ZNF804B: variants seen among roughly 807,000 people sequenced by gnomAD.
ZNF804B encodes zinc finger 804B.
Under a neutral mutation model 101.4 loss-of-function variants are expected in ZNF804B, and 80 were observed. The ratio of observed to expected loss-of-function variants is 0.79; its 90% CI spans 0.66 to 0.95. The LOEUF (loss-of-function observed/expected upper bound fraction) is 0.95. Among genes scored for constraint, ZNF804B ranks in the 40% least tolerant of loss-of-function variants. The pLI is 0.00. For synonymous variants in ZNF804B, 622 were observed against 558.8 expected (o/e 1.11, Z -1.59); for missense variants, 1,673 against 1,561.9 (o/e 1.07, Z -1.20).
At chr7:89,095,811 T>A (rs948690699) in intron 1 of ZNF804B, among the ~76,000 whole-genome samples, 1 of 152,178 alleles carries the variant, frequency 6.6e-6, no homozygotes, top group Non-Finnish European at 1.5e-5. Flanking sequence ...TAGTTAAACC[T>A]TTGCCACTCC....
intron 1 of ZNF804B, among the ~76,000 whole-genome samples, chr7:88,967,223 T>C (rs2116102805): frequency 9.9e-6 from 1 of 101,054 alleles, no homozygotes; most frequent in Middle Eastern, 4.7e-3. Context: ...CCACAGGCTG[T>C]ACAGCTGTCA....
intron 1 of ZNF804B, among the ~76,000 whole-genome samples, chr7:88,771,279 A>G (rs1790057063): frequency 6.6e-6 from 1 of 152,128 alleles, no homozygotes; most frequent in Non-Finnish European, 1.5e-5. Flanking sequence ...AGTAATAGCT[A>G]TAATTTCATA....
At chr7:89,093,071 TTCCATTGCTAA>T (rs1789920166) in intron 1 of ZNF804B, among the ~76,000 whole-genome samples, 1 of 152,226 alleles carries the variant, frequency 6.6e-6, no homozygotes. Flanking sequence ...ATATTGCTAT[TTCCATTGCTAA>T]TCCATTACTG....
intron 1 of ZNF804B, among the ~76,000 whole-genome samples, chr7:88,837,829 G>A (rs892785496): frequency 3.3e-5 from 5 of 151,624 alleles, no homozygotes; most frequent in African/African-American, 1.2e-4. Context: ...GCTGACTTTC[G>A]ATGGCCATCT....
chr7:88,785,259 A>G (rs1019587346), intron 1 of ZNF804B, among the ~76,000 whole-genome samples: 1 of 152,034 alleles, frequency 6.6e-6, no homozygotes, highest in Non-Finnish European at 1.5e-5. Flanking sequence ...CCTGCCTGGT[A>G]CTTCATCCTA....
intron 2 of ZNF804B, among the ~76,000 whole-genome samples, chr7:89,227,850 T>G (rs943822934): frequency 5.3e-5 from 8 of 152,348 alleles, no homozygotes; most frequent in Middle Eastern, 3.4e-3. Context: ...TGCAGGGCAT[T>G]CCATGAGATC....
intron 2 of ZNF804B, among the ~76,000 whole-genome samples, chr7:89,280,797 T>C (rs1277492056): frequency 1.3e-5 from 2 of 152,202 alleles, no homozygotes; most frequent in African/African-American, 2.4e-5. Context: ...CAGGACCAGA[T>C]GGATTCACAG....
At chr7:88,847,296 A>G (rs947460126) in intron 1 of ZNF804B, among the ~76,000 whole-genome samples, 5 of 152,188 alleles carry the variant, frequency 3.3e-5, no homozygotes, top group African/African-American at 1.2e-4. Context: ...TTAATATTCC[A>G]TCAAAAAAAA....
intron 1 of ZNF804B, among the ~76,000 whole-genome samples, chr7:88,761,783 G>A (rs779790004): frequency 9.2e-5 from 14 of 152,118 alleles, no homozygotes; most frequent in Non-Finnish European, 1.9e-4. Context: ...AATCTTACAC[G>A]GTTTAGTTCT....
At chr7:89,278,576 T>C (rs1324279373) in intron 2 of ZNF804B, among the ~76,000 whole-genome samples, 17 of 152,126 alleles carry the variant, frequency 1.1e-4, no homozygotes, top group African/African-American at 3.1e-4. Context: ...TATGGCTAGC[T>C]AGTTTTCCCA....
intron 1 of ZNF804B, among the ~76,000 whole-genome samples, chr7:88,865,164 G>T (rs1288636725): frequency 1.3e-5 from 2 of 149,964 alleles, no homozygotes; most frequent in South Asian, 2.1e-4. Context: ...GGAGGCGAAG[G>T]TTGTGGTGAG....
chr7:88,889,986 TAC>T (rs1792192085), intron 1 of ZNF804B, among the ~76,000 whole-genome samples: 1 of 152,196 alleles, frequency 6.6e-6, no homozygotes, highest in Non-Finnish European at 1.5e-5. Context: ...TTCATTCTTC[TAC>T]ATGTGGCTAG....
intron 1 of ZNF804B, among the ~76,000 whole-genome samples, chr7:89,098,419 C>T (rs982361883): frequency 6.6e-5 from 10 of 151,780 alleles, no homozygotes; most frequent in African/African-American, 2.4e-4. Flanking sequence ...ATTGCAGGTG[C>T]GTGCCACCAC....
Position 88,940,695 on chromosome 7 carries a change from G to A in ZNF804B, c.108+180611G>A, listed in dbSNP as rs1480075006. Among the ~76,000 whole-genome samples, 3 of 151,208 alleles carry A rather than the reference G, an allele frequency of 2.0e-5. No homozygotes were observed. The East Asian group carries it at 5.9e-4, about 30-fold the overall frequency. On this transcript the variant is annotated intron_variant, in intron 1 of 3. Coordinates refer to ENST00000333190, the MANE Select transcript of ZNF804B (RefSeq NM_181646.5). ...AAGGTGAGAGGATTGCTTGAGCTAG[G>A]GAGGTAGAGCTGCAGTGAGCCATGA...
chr7:89,080,508 C>T (rs1001561003), intron 1 of ZNF804B, among the ~76,000 whole-genome samples: 11 of 151,860 alleles, frequency 7.2e-5, no homozygotes, highest in Admixed American at 2.0e-4. Context: ...GCTCTTTATG[C>T]TCAAGAAACA....
At chr7:89,278,810 C>T (rs912895005) in intron 2 of ZNF804B, among the ~76,000 whole-genome samples, 4 of 151,412 alleles carry the variant, frequency 2.6e-5, no homozygotes, top group African/African-American at 7.3e-5. Context: ...GTTCTTTTGG[C>T]TTAGGATTGA....
intron 2 of ZNF804B, among the ~76,000 whole-genome samples, chr7:89,301,163 C>T (rs1352894065): frequency 8.2e-6 from 1 of 121,558 alleles, no homozygotes; most frequent in Non-Finnish European, 1.6e-5. Context: ...AACAATGCAT[C>T]AACAAAAAAT....
At position 89,337,178 on chromosome 7, in the gene ZNF804B, C is replaced by G. The variant is rs573982842; in HGVS notation, c.*146C>G. 1.2e-6 allele frequency: 1 copy of G among 861,098 alleles called. No homozygotes were observed. The highest frequency in any genetic ancestry group is 3.1e-5 in the Admixed American group (1 of 31,994). The allele number at this position is 861,098 out of a possible 1,614,324, so 53.3% of individuals were successfully genotyped here. On this transcript the variant is annotated 3_prime_UTR_variant, in exon 4 of 4. Coordinates refer to ENST00000333190, the MANE Select transcript of ZNF804B (RefSeq NM_181646.5). ...AAATATATAAATATGATCTGAATTG[C>G]TAATACTAAAACAAGAGCATTTTAA...
intron 2 of ZNF804B, among the ~76,000 whole-genome samples, chr7:89,262,260 T>C (rs1352281836): frequency 6.6e-6 from 1 of 152,224 alleles, no homozygotes; most frequent in African/African-American, 2.4e-5. Context: ...GGAAGTTTCA[T>C]GTCTTTCGTC....
Sources: gnomAD v4.1 joint callset for allele counts (sites outside exome capture counted in the v4.1 genomes callset) on GRCh38, gnomAD v4.1.1 for gene constraint, MANE v1.5 for transcripts, NCBI Gene and HGNC (gene_info 2026-07-23, HGNC 2026-07-21) for gene names.